DMD: variants seen among roughly 807,000 people sequenced by gnomAD.
The protein encoded by DMD is dystrophin.
A neutral mutation model predicts 330.1 loss-of-function variants in DMD; 63 were observed. That is an observed-to-expected ratio of 0.19 (90% CI 0.16 to 0.24). The LOEUF (loss-of-function observed/expected upper bound fraction) is 0.24. DMD is among the 10% of genes least tolerant of loss of function. The pLI, the probability that DMD is intolerant of heterozygous loss-of-function variation, is 1.00. For missense variants in DMD, 3,344 were observed against 2,684.1 expected, an observed-to-expected ratio of 1.25 and a Z score of -5.43; for synonymous variants, 1,223 against 959.8, an observed-to-expected ratio of 1.27 and a Z score of -5.07.
chrX:31,725,005 C>G (rs1233633697), intron 52 of DMD, among the ~76,000 whole-genome samples: 6 of 111,974 alleles, frequency 5.4e-5, no homozygotes, highest in Non-Finnish European at 1.1e-4. Flanking sequence ...AAATGTATAT[C>G]CAGACTATAA....
At chrX:33,063,237 A>T (rs2094603730) in intron 1 of DMD, among the ~76,000 whole-genome samples, 1 of 111,923 alleles carries the variant, frequency 8.9e-6, no homozygotes. Context: ...ACAGAAACAG[A>T]CAAGATTACT....
At chrX:33,070,279 C>T (rs2094725414) in intron 1 of DMD, among the ~76,000 whole-genome samples, 2 of 111,499 alleles carry the variant, frequency 1.8e-5, no homozygotes. Flanking sequence ...CGCACACATA[C>T]ATACACACAC....
chrX:32,959,115 A>T (rs1287101983), intron 2 of DMD, among the ~76,000 whole-genome samples: 1 of 112,347 alleles, frequency 8.9e-6, no homozygotes, highest in Non-Finnish European at 1.9e-5. Context: ...TAGGAAGGTA[A>T]TAACTTCACA....
At chrX:31,320,087 G>T (rs1361895702) in intron 62 of DMD, among the ~76,000 whole-genome samples, 1 of 112,038 alleles carries the variant, frequency 8.9e-6, no homozygotes, top group East Asian at 2.8e-4. Flanking sequence ...ATGCTGGCAG[G>T]AATAAGGGAG....
At chrX:32,236,847 G>T (rs2097189705) in intron 43 of DMD, among the ~76,000 whole-genome samples, 1 of 111,917 alleles carries the variant, frequency 8.9e-6, no homozygotes, top group African/African-American at 3.2e-5. Flanking sequence ...ATTCATAAGT[G>T]TATTTGACAT....
intron 43 of DMD, among the ~76,000 whole-genome samples, chrX:32,265,254 G>A (rs1490632464): frequency 8.9e-6 from 1 of 112,616 alleles, no homozygotes; most frequent in Non-Finnish European, 1.9e-5. Flanking sequence ...AGCCAAGATA[G>A]AGCTCAGCCC....
rs143284554 is a variant in DMD at position 31,377,355 on chromosome X, C to G, written c.9085-28721G>C. On this transcript the variant is annotated intron_variant, in intron 60 of 78. Transcript: ENST00000357033. ...ATTATTAGGGTGTTTGTGAACTGAA[C>G]AGGCTGCTTTACAAAGTGAGGAGTT... Among the ~76,000 whole-genome samples the G allele has an allele frequency of 1.1e-3, 127 of 112,055 alleles. 3 individuals carry two copies. The East Asian group carries it at 0.032, about 28-fold the overall frequency.
At chrX:32,573,969 C>T (rs2052731379) in intron 13 of DMD, 123 bp from the exon 14 acceptor site, 2 of 550,835 alleles carry the variant, frequency 3.6e-6, no homozygotes, top group Non-Finnish European at 6.3e-6. Flanking sequence ...TTGGAAGGGA[C>T]ACTCTTTCTG....
chrX:32,997,763 CA>C (rs1447884235), intron 2 of DMD, among the ~76,000 whole-genome samples: 1 of 111,685 alleles, frequency 9.0e-6, no homozygotes, highest in Non-Finnish European at 1.9e-5. Flanking sequence ...TCACCAATGA[CA>C]ACTTTAGATC....
intron 1 of DMD, among the ~76,000 whole-genome samples, chrX:33,037,550 A>C (rs1274746038): frequency 4.5e-5 from 5 of 111,642 alleles, no homozygotes; most frequent in Non-Finnish European, 9.4e-5. Flanking sequence ...AATTATAGGA[A>C]TTCACAAACA....
chrX:32,898,935 T>G (rs1244715031), intron 2 of DMD, among the ~76,000 whole-genome samples: 5 of 111,895 alleles, frequency 4.5e-5, no homozygotes, highest in African/African-American at 3.2e-5. Context: ...CACTGCCTAC[T>G]ATATATCAGG....
At chrX:31,837,664 C>T (rs190246953) in intron 48 of DMD, among the ~76,000 whole-genome samples, 13 of 111,583 alleles carry the variant, frequency 1.2e-4, no homozygotes, top group Admixed American at 3.8e-4. Context: ...CTGATTAACC[C>T]GTATCTCTCT....
At position 32,614,472 on chromosome X, in the gene DMD, C is replaced by A; in HGVS notation, c.1332-19G>T. The A allele has an allele frequency of 8.5e-7, 1 of 1,170,883 alleles. No homozygotes were observed. Among genetic ancestry groups the A allele is most frequent in the Non-Finnish European group, 1.2e-6 (1 of 861,611 alleles). On this transcript the variant is annotated intron_variant, in intron 11 of 78. Coordinates refer to ENST00000357033, the MANE Select transcript of DMD (RefSeq NM_004006.3). ...ATGTAAACTGAAAATTTGAAAGAAG[C>A]CTATTATGACCTCTTTGAAAGCAAC...
At chrX:32,703,284 T>C (rs183872734) in intron 7 of DMD, among the ~76,000 whole-genome samples, 5 of 111,850 alleles carry the variant, frequency 4.5e-5, no homozygotes, top group African/African-American at 1.3e-4. Context: ...TAAGATGTTA[T>C]GAAGCCCAAA....
At chrX:32,671,011 C>A (rs1216260658) in intron 9 of DMD, among the ~76,000 whole-genome samples, 1 of 109,676 alleles carries the variant, frequency 9.1e-6, no homozygotes, top group Non-Finnish European at 1.9e-5. Context: ...ATGACCTAAC[C>A]CAAAGCATCG....
At chrX:31,603,434 T>C (rs1385400569) in intron 55 of DMD, among the ~76,000 whole-genome samples, 1 of 111,408 alleles carries the variant, frequency 9.0e-6, no homozygotes, top group African/African-American at 3.3e-5. Context: ...TCTAACAAAG[T>C]CCATATACAT....
intron 2 of DMD, among the ~76,000 whole-genome samples, chrX:32,897,077 C>T (rs992051950): frequency 4.1e-5 from 4 of 98,341 alleles, no homozygotes; most frequent in Admixed American, 1.1e-4. Context: ...TTTTCATCAA[C>T]GACTGGGCAT....
At chrX:32,996,631 G>A (rs111900776) in intron 2 of DMD, among the ~76,000 whole-genome samples, 4 of 110,573 alleles carry the variant, frequency 3.6e-5, no homozygotes, top group East Asian at 5.7e-4. Context: ...GAGACCAGCC[G>A]GGCCAACATG....
intron 1 of DMD, among the ~76,000 whole-genome samples, chrX:33,072,447 A>C (rs1186072792): frequency 8.9e-6 from 1 of 112,067 alleles, no homozygotes; most frequent in African/African-American, 3.2e-5. Flanking sequence ...ACGACAAAAA[A>C]ATCTGGGCAC....
Sources: gnomAD v4.1 joint callset for allele counts (sites outside exome capture counted in the v4.1 genomes callset) on GRCh38, gnomAD v4.1.1 for gene constraint, MANE v1.5 for transcripts, NCBI Gene and HGNC (gene_info 2026-07-23, HGNC 2026-07-21) for gene names.